MYO16: variants seen among roughly 807,000 people sequenced by gnomAD.
MYO16 encodes the protein unconventional myosin-XVI.
In MYO16, 94 loss-of-function variants were observed where a neutral mutation model predicts 205.3. The ratio of observed to expected loss-of-function variants is 0.46; its 90% CI spans 0.39 to 0.54. The LOEUF is 0.54. Ranked by LOEUF, MYO16 falls within the 20% of genes least tolerant of loss-of-function variation. MYO16 has a pLI of 0.00. For synonymous variants in MYO16, 988 were observed against 954.0 expected (o/e 1.04, Z -0.66); for missense variants, 2,315 against 2,387.5 (o/e 0.97, Z 0.63).
chr13:108,922,044 G>A (rs1442408215), intron 16 of MYO16, among the ~76,000 whole-genome samples: 1 of 152,204 alleles, frequency 6.6e-6, no homozygotes, highest in Non-Finnish European at 1.5e-5. Context: ...TGGAATAAGT[G>A]GGGTCTGGTC....
At chr13:108,785,041 TA>T (rs1343495552) in intron 4 of MYO16, among the ~76,000 whole-genome samples, 1 of 152,178 alleles carries the variant, frequency 6.6e-6, no homozygotes, top group Non-Finnish European at 1.5e-5. Flanking sequence ...CCATATTTAA[TA>T]CAGTCAGCCC....
intron 32 of MYO16, among the ~76,000 whole-genome samples, chr13:109,159,625 G>A (rs1362682355): frequency 1.3e-5 from 2 of 152,260 alleles, no homozygotes; most frequent in African/African-American, 4.8e-5. Context: ...CAATTGGGCT[G>A]TTCTGTGCCA....
At chr13:108,809,095 G>A (rs1002646076) in intron 7 of MYO16, among the ~76,000 whole-genome samples, 5 of 152,198 alleles carry the variant, frequency 3.3e-5, no homozygotes. Context: ...TGCTGCAGAA[G>A]CCATGTTGAC....
intron 1 of MYO16, among the ~76,000 whole-genome samples, chr13:108,616,848 A>G (rs16972783): frequency 0.033 from 4,970 of 152,256 alleles, 275 homozygotes; most frequent in African/African-American, 0.11. Flanking sequence ...GAGGAAAGAT[A>G]AAGTATTGTG....
At chr13:109,039,341 C>A (rs1886811679) in intron 23 of MYO16, among the ~76,000 whole-genome samples, 1 of 152,134 alleles carries the variant, frequency 6.6e-6, no homozygotes, top group Non-Finnish European at 1.5e-5. Context: ...ACACCATCAC[C>A]AATAGGATCT....
At chr13:108,672,218 A>G (rs1282947145) in intron 2 of MYO16, among the ~76,000 whole-genome samples, 1 of 152,240 alleles carries the variant, frequency 6.6e-6, no homozygotes, top group African/African-American at 2.4e-5. Flanking sequence ...CCAAAAATGC[A>G]CATAAGAAAA....
intron 20 of MYO16, among the ~76,000 whole-genome samples, chr13:108,972,899 G>A (rs976045543): frequency 6.6e-6 from 1 of 151,150 alleles, no homozygotes; most frequent in East Asian, 2.0e-4. Context: ...AATAAGATAC[G>A]GAATGACACA....
At position 108,962,431 on chromosome 13, in the gene MYO16, A is replaced by C. The variant is rs201571910; in HGVS notation, c.2163A>C (p.Gly721=). 2 of 1,595,678 alleles carry C rather than the reference A, an allele frequency of 1.3e-6. No homozygotes were observed. The highest frequency in any genetic ancestry group is 2.7e-5 in the African/African-American group (2 of 74,302). ...ATGCTGATTTAATTTTAGTGGCTGG[A>C]ATGTTACAAGTATCAACAGATGAAT... ...SDLQLLEQVA[G]MLQVSTDELA... is the part of the protein sequence containing the mutation. The change falls in exon 19 of 35, where the codon GGA becomes GGC. Residue 721 remains glycine (G), a synonymous_variant. Transcript: ENST00000457511.
rs1566565304 is a variant in MYO16, at chr13:108,712,661, T to A, written c.293T>A (p.Val98Glu). Residue 98 changes from valine to glutamate, a missense_variant and splice_region_variant, in exon 3 of 35, where the codon GTG becomes GAG. This residue lies in a region of MYO16 where 1,213 missense variants were observed against 1,274.4 expected (regional missense o/e 0.95). Coordinates refer to ENST00000457511, the MANE Select transcript of MYO16 (RefSeq NM_001198950.3). Reference sequence around the variant, plus strand: ...CCATTCTCCTCTCTGTTGTTTTCAGTGCTTCGGCTCCTGAAGGAGGGGGCA... The same window carrying A: ...CCATTCTCCTCTCTGTTGTTTTCAGAGCTTCGGCTCCTGAAGGAGGGGGCA... Reference protein sequence around the residue: ...DAIIHHNDKEVLRLLKEGADP... With the variant: ...DAIIHHNDKEELRLLKEGADP... 6.2e-7 allele frequency: 1 copy of A among 1,614,008 alleles called. No individual in the cohort carries two copies. Among genetic ancestry groups the A allele is most frequent in the Non-Finnish European group, 8.5e-7 (1 of 1,179,838 alleles).
At chr13:108,552,707 C>T in the MYO16 span, among the ~76,000 whole-genome samples, 1 of 152,272 alleles carries the variant, frequency 6.6e-6, no homozygotes, top group African/African-American at 2.4e-5. Context: ...CTCCTTCCTC[C>T]TGTTATATCT....
intron 24 of MYO16, chr13:109,048,330 T>C: frequency 1.3e-6 from 1 of 756,242 alleles, no homozygotes; most frequent in Non-Finnish European, 2.5e-6. Flanking sequence ...TTTTTTTTTA[T>C]TCTTTAGGAG....
chr13:108,617,479 T>C (rs1204289600), intron 1 of MYO16, among the ~76,000 whole-genome samples: 2 of 152,122 alleles, frequency 1.3e-5, no homozygotes, highest in African/African-American at 4.8e-5. Flanking sequence ...ACCTGAGTAG[T>C]TTTACTCCTC....
At chr13:109,027,639 T>C (rs1886408495) in intron 23 of MYO16, among the ~76,000 whole-genome samples, 1 of 152,046 alleles carries the variant, frequency 6.6e-6, no homozygotes, top group African/African-American at 2.4e-5. Context: ...GGACCCTCAG[T>C]TGCCACACCA....
At chr13:108,692,993 T>C (rs1174080275) in intron 2 of MYO16, among the ~76,000 whole-genome samples, 1 of 152,124 alleles carries the variant, frequency 6.6e-6, no homozygotes, top group African/African-American at 2.4e-5. Context: ...AGAAAAAAAT[T>C]CCAGATGAAT....
intron 13 of MYO16, among the ~76,000 whole-genome samples, chr13:108,888,051 A>AGGT (rs1879986367): frequency 6.6e-6 from 1 of 152,098 alleles, no homozygotes; most frequent in Non-Finnish European, 1.5e-5. Context: ...CACCTACACT[A>AGGT]GGTGGTTCTA....
rs1877069648 is a variant in MYO16 at position 109,141,172 on chromosome 13, T to A, written c.4960T>A (p.Phe1654Ile). The A allele has an allele frequency of 6.2e-7, 1 of 1,609,312 alleles. No individual in the cohort carries two copies. The highest frequency in any genetic ancestry group is 8.5e-7 in the Non-Finnish European group (1 of 1,177,976). The change falls in exon 32 of 35, where the codon TTC (phenylalanine) becomes ATC (isoleucine). Residue 1654 changes from phenylalanine (F) to isoleucine (I), a missense_variant. Physicochemically the swap from Phe to Ile is conservative, Grantham distance 21. Transcript: ENST00000457511. This position sits in a 1 kb window ranked among gnomAD's most constrained non-coding sequence, Gnocchi z 4.1. The part of the protein sequence containing the change: ...SAPVAGPCSS[F>I]PKIPYSPVKA... ...CCCCGTGGCCGGGCCCTGCAGCTCC[T>A]TCCCCAAGATCCCATATTCCCCCGT...
chr13:109,043,826 G>A (rs1426312344), intron 23 of MYO16, among the ~76,000 whole-genome samples: 4 of 152,070 alleles, frequency 2.6e-5, no homozygotes, highest in Non-Finnish European at 4.4e-5. Context: ...AGAGAAGGAC[G>A]AATGAATGAT....
chr13:108,570,919 G>T, the MYO16 span, among the ~76,000 whole-genome samples: 133 of 152,170 alleles, frequency 8.7e-4, no homozygotes, highest in Non-Finnish European at 1.5e-3. Context: ...CATCTCTTGG[G>T]TCTATTAGGC....
At chr13:108,502,532 TTCTC>T in the MYO16 span, among the ~76,000 whole-genome samples, 1 of 152,202 alleles carries the variant, frequency 6.6e-6, no homozygotes, top group African/African-American at 2.4e-5. Context: ...AATATCCTCT[TTCTC>T]TATAACCAAA....
Sources: allele counts gnomAD v4.1 joint callset (sites outside exome capture counted in the v4.1 genomes callset), GRCh38; gene constraint gnomAD v4.1.1; regional missense constraint gnomAD v4.1.1; non-coding constraint Gnocchi (gnomAD v3.1); transcripts MANE v1.5; gene names NCBI Gene and HGNC (gene_info 2026-07-23, HGNC 2026-07-21).